Variants in RIC3 observed in about 807,000 individuals in gnomAD.
RIC3 encodes protein RIC-3.
RIC3 carries 28 observed loss-of-function variants against 27.3 expected under a neutral mutation model. The ratio of observed to expected loss-of-function variants is 1.02; its 90% confidence interval spans 0.76 to 1.41. The LOEUF (loss-of-function observed/expected upper bound fraction) is 1.41. Among genes scored for constraint, RIC3 ranks in the 40% most tolerant of loss-of-function variants. The pLI is 0.00. For missense variants in RIC3, 501 were observed against 444.7 expected (o/e 1.13, Z -1.14); for synonymous variants, 184 against 160.4 (o/e 1.15, Z -1.11).
intron 4 of RIC3, among the ~76,000 whole-genome samples, chr11:8,136,285 G>A (rs1948409832): frequency 6.6e-6 from 1 of 152,216 alleles, no homozygotes; most frequent in African/African-American, 2.4e-5. Flanking sequence ...ATGGCAAATA[G>A]AGGCTAAGGT....
At chr11:8,114,007 C>A (rs1390290182) in intron 5 of RIC3, among the ~76,000 whole-genome samples, 8 of 152,124 alleles carry the variant, frequency 5.3e-5, no homozygotes, top group Non-Finnish European at 1.2e-4. Flanking sequence ...TCAACAGGTA[C>A]ACCCCAGTGG....
intron 1 of RIC3, among the ~76,000 whole-genome samples, chr11:8,161,581 T>C (rs1198663943): frequency 6.6e-6 from 1 of 152,208 alleles, no homozygotes; most frequent in Admixed American, 6.5e-5. Context: ...TTCATCAGTA[T>C]ATTCTTTCTA....
chr11:8,167,825 T>C (rs1286604986), intron 1 of RIC3, among the ~76,000 whole-genome samples: 2 of 152,034 alleles, frequency 1.3e-5, no homozygotes, highest in East Asian at 3.9e-4. Flanking sequence ...CCGTCCCAAG[T>C]GGATAGTCTT....
At chr11:8,123,754 G>C (rs1946709564) in intron 5 of RIC3, among the ~76,000 whole-genome samples, 1 of 151,764 alleles carries the variant, frequency 6.6e-6, no homozygotes, top group African/African-American at 2.4e-5. Flanking sequence ...TAAAACTCCA[G>C]GCCAACTGGG....
intron 1 of RIC3, among the ~76,000 whole-genome samples, chr11:8,165,819 C>T (rs1208293815): frequency 2.1e-5 from 3 of 146,232 alleles, no homozygotes; most frequent in Non-Finnish European, 3.0e-5. Context: ...CACTGTGTTG[C>T]CCAGGCTGCA....
intron 4 of RIC3, among the ~76,000 whole-genome samples, chr11:8,136,262 A>G (rs1948403517): frequency 6.6e-6 from 1 of 152,218 alleles, no homozygotes; most frequent in African/African-American, 2.4e-5. Flanking sequence ...ACAGCGTACT[A>G]GTACTATAAA....
chr11:8,147,575 ATTTCT>A (rs1383609882), intron 1 of RIC3, among the ~76,000 whole-genome samples: 3 of 152,184 alleles, frequency 2.0e-5, no homozygotes, highest in South Asian at 2.1e-4. Flanking sequence ...AAATATTTTT[ATTTCT>A]TTTCTTATTT....
the RIC3 span, among the ~76,000 whole-genome samples, chr11:8,095,320 C>T: frequency 2.0e-5 from 3 of 152,212 alleles, no homozygotes; most frequent in African/African-American, 7.2e-5. Context: ...ACATCCCTTA[C>T]TAGCTTACCA....
chr11:8,162,659 T>C (rs1261931164), intron 1 of RIC3, among the ~76,000 whole-genome samples: 2 of 145,226 alleles, frequency 1.4e-5, no homozygotes, highest in African/African-American at 2.6e-5. Flanking sequence ...TTTTTTTCTT[T>C]TTTTGAGACA....
rs142197592 is a variant in RIC3 at position 8,124,673 on chromosome 11, A to G, written c.670+1986T>C. Reference sequence around the variant, plus strand: ...AGGACCGTGTGCTATTGGTACAAGTAGAGACATACAGATCAATGGAACAGA... The same window carrying G: ...AGGACCGTGTGCTATTGGTACAAGTGGAGACATACAGATCAATGGAACAGA... On this transcript the variant is annotated intron_variant, in intron 5 of 5. Coordinates refer to ENST00000309737, the MANE Select transcript of RIC3 (RefSeq NM_001206671.4). Among the ~76,000 whole-genome samples, 446 of 152,354 alleles carry G rather than the reference A, an allele frequency of 2.9e-3. 3 individuals carry two copies. Among genetic ancestry groups the G allele is most frequent in the African/African-American group, 0.01 (433 of 41,582 alleles).
chr11:8,097,442 C>A, the RIC3 span: 2 of 1,614,132 alleles, frequency 1.2e-6, no homozygotes, highest in Non-Finnish European at 1.7e-6. Flanking sequence ...TTGGTCTGGG[C>A]ATGTTATCAT....
rs551593642 is a variant in RIC3, at chr11:8,109,966, C to G, written c.*732G>C. The G allele has an allele frequency of 1.3e-5, 2 of 152,940 alleles. No homozygotes were observed. Among genetic ancestry groups the G allele is most frequent in the South Asian group, 4.1e-4 (2 of 4,830 alleles). 9.5% of individuals were successfully genotyped at this position (152,940 alleles called of 1,614,324 possible). A position where few individuals can be genotyped will look rare whatever the true frequency, so the allele number is the denominator to read the frequency against. ...ACTGAAAACCAGGAGTGCAAAGGTA[C>G]TTCTGGGCTTGGCAGTTCTGTTAAG... On this transcript the variant is annotated 3_prime_UTR_variant, in exon 6 of 6. Coordinates refer to ENST00000309737, the MANE Select transcript of RIC3 (RefSeq NM_001206671.4).
rs916415222 is a variant in RIC3, at chr11:8,109,368, C to G, written c.*1330G>C. 4 of 152,176 alleles carry G rather than the reference C, an allele frequency of 2.6e-5. No homozygotes were observed. Among genetic ancestry groups the G allele is most frequent in the African/African-American group, 9.7e-5 (4 of 41,430 alleles). The allele number at this position is 152,176 out of a possible 1,614,324, so 9.4% of individuals were successfully genotyped here. ...CGAACTCTCAGGTCTTACATGTAAA[C>G]TGAATTCACACATACCTCATGATGT... On this transcript the variant is annotated 3_prime_UTR_variant, in exon 6 of 6. Coordinates refer to ENST00000309737, the MANE Select transcript of RIC3 (RefSeq NM_001206671.4).
Position 8,140,837 on chromosome 11 carries a change from C to A in RIC3, c.125-644G>T, listed in dbSNP as rs1020895111. ...TACAGACTAACAGCGGATCTCTCGG[C>A]AGAAACCCTACAAGCCAGAAGAGAG... is the stretch of plus-strand genomic sequence containing the variant. On this transcript the variant is annotated intron_variant, in intron 1 of 5. Transcript: ENST00000309737. Among the ~76,000 whole-genome samples, 9 of 152,062 alleles carry A rather than the reference C, an allele frequency of 5.9e-5. 1 individual carries two copies. The highest frequency in any genetic ancestry group is 6.8e-3 in the Middle Eastern group (2 of 294).
intron 5 of RIC3, among the ~76,000 whole-genome samples, chr11:8,118,681 A>G (rs551443091): frequency 1.3e-5 from 2 of 152,130 alleles, no homozygotes; most frequent in African/African-American, 4.8e-5. Flanking sequence ...CAGCCTGACC[A>G]ACATGGCAAA....
rs1945143439 is a variant in RIC3, at chr11:8,110,716, G to A, written c.1092C>T (p.Asn364=). The change falls in exon 6 of 6, where the codon AAC becomes AAT. Residue 364 remains asparagine, a synonymous_variant. Coordinates refer to ENST00000309737, the MANE Select transcript of RIC3 (RefSeq NM_001206671.4). ...GCTGTTTTCACTCTAAACCCTGGGG[G>A]TTACGCTTCCTCAGCATGCTGCCTG... ...AYTGSMLRKR[N]PQGLE 2 of 1,614,166 alleles carry A rather than the reference G, an allele frequency of 1.2e-6. No individual in the cohort carries two copies. Among genetic ancestry groups the A allele is most frequent in the East Asian group, 2.2e-5 (1 of 44,884 alleles).
chr11:8,138,523 A>G, intron 2 of RIC3, 176 bp from the exon 3 acceptor site: 1 of 525,892 alleles, frequency 1.9e-6, no homozygotes, highest in Admixed American at 3.6e-5. Context: ...TGAGGTTTCC[A>G]AGTAAAAAAT....
chr11:8,122,025 G>T (rs1462559396), intron 5 of RIC3, among the ~76,000 whole-genome samples: 5 of 152,070 alleles, frequency 3.3e-5, no homozygotes, highest in African/African-American at 1.2e-4. Flanking sequence ...GTCCCAGCAT[G>T]GGCAACATGG....
At chr11:8,115,691 C>T (rs1945778446) in intron 5 of RIC3, among the ~76,000 whole-genome samples, 1 of 152,144 alleles carries the variant, frequency 6.6e-6, no homozygotes, top group Non-Finnish European at 1.5e-5. Context: ...CCTGTAATCC[C>T]AGCTACTTGG....
Sources: gnomAD v4.1 joint callset for allele counts (sites outside exome capture counted in the v4.1 genomes callset) on GRCh38, gnomAD v4.1.1 for gene constraint, MANE v1.5 for transcripts, NCBI Gene and HGNC (gene_info 2026-07-23, HGNC 2026-07-21) for gene names.